The following MTRR variants were observed in gnomAD, a reference collection of about 807,000 sequenced individuals.
MTRR encodes the protein methionine synthase reductase.
A neutral mutation model predicts 79.2 loss-of-function variants in MTRR; 63 were observed. That is an observed-to-expected ratio of 0.80 (90% confidence interval 0.65 to 0.98). The LOEUF (loss-of-function observed/expected upper bound fraction) is 0.98, where lower values mean the gene tolerates loss of function less well. MTRR is among the 50% of genes least tolerant of loss of function. The probability of loss-of-function intolerance (pLI) is 0.00; values close to 1 mark genes in which losing one functional copy is unlikely to be tolerated. For missense variants in MTRR, 895 were observed against 839.6 expected, an observed-to-expected ratio of 1.07 and a Z score of -0.82; for synonymous variants, 355 against 313.3, an observed-to-expected ratio of 1.13 and a Z score of -1.41.
chr5:7,866,620 A>C, upstream of MTRR: 3 of 1,517,694 alleles, frequency 2.0e-6, no homozygotes, highest in Non-Finnish European at 2.7e-6. Context: ...CTTTTTTCCA[A>C]CTGTCAGAAT....
rs375041307 is a variant in MTRR, at chr5:7,863,014, G to A, written n.498+957G>A. 1.6e-5 allele frequency: 25 copies of A among 1,598,096 alleles called. No homozygotes were observed. In the African/African-American group the frequency reaches 3.0e-4, roughly 19 times the overall value. ...TTTTGGACCCTAAAAAATCATAAGT[G>A]CAAATGTGAGAAAGAAAAATAAGAT... is the stretch of plus-strand genomic sequence containing the variant. On this transcript the variant is annotated intron_variant and non_coding_transcript_variant, in intron 2 of 3. Coordinates refer to the MTRR transcript ENST00000502509.
upstream of MTRR, chr5:7,851,166 G>A: frequency 2.1e-6 from 2 of 975,512 alleles, no homozygotes; most frequent in Non-Finnish European, 2.6e-6. Context: ...CCGCCGCCTG[G>A]CGACCCGGAG....
In MTRR at chr5:7,877,990, C is replaced by G; in HGVS notation, c.448C>G (p.Leu150Val). The G allele has an allele frequency of 1.9e-6, 3 of 1,613,468 alleles. No homozygotes were observed. Among genetic ancestry groups the G allele is most frequent in the Non-Finnish European group, 2.5e-6 (3 of 1,179,962 alleles). The change falls in exon 5 of 15, where the codon CTC becomes GTC. Residue 150 changes from leucine (L) to valine (V), a missense_variant. Transcript: ENST00000440940. The stretch of plus-strand genomic sequence containing the variant: ...GTGGATTGCTGGACTCTGGCCAGCC[C>G]TCAGAAAGCATTTTAGGTCAAGCAG... The part of the protein sequence containing the change: ...EPWIAGLWPA[L>V]RKHFRSSRGQ...
At chr5:7,884,131 TCCAGCCTGGGTGACAGAGTGAGAC>T (rs1031463686) in intron 6 of MTRR, among the ~76,000 whole-genome samples, 15 of 152,168 alleles carry the variant, frequency 9.9e-5, no homozygotes, top group Non-Finnish European at 1.5e-5. Context: ...GCCACTGCAC[TCCAGCCTGGGTGACAGAGTGAGAC>T]CCTGCCTCAA....
In MTRR at chr5:7,863,222, A is replaced by G. The variant is rs1746680434; in HGVS notation, n.498+1165A>G. The G allele has an allele frequency of 5.0e-5, 25 of 501,838 alleles. No individual in the cohort carries two copies. In the South Asian group the frequency reaches 6.0e-4, roughly 12 times the overall value. 31.1% of individuals were successfully genotyped at this position (501,838 alleles called of 1,614,324 possible). A position where few individuals can be genotyped will look rare whatever the true frequency, so the allele number is the denominator to read the frequency against. On this transcript the variant is annotated intron_variant and non_coding_transcript_variant, in intron 2 of 3. Coordinates refer to the MTRR transcript ENST00000502509. ...TGTCTTTTATATGTGTTTTTACAGT[A>G]GTCACTGGTTACCATAAACAGAAAG...
At chr5:7,850,970 T>A, upstream of MTRR, 1 of 1,320,534 alleles carries the variant, frequency 7.6e-7, no homozygotes, top group South Asian at 2.6e-5. Context: ...GGCGGCGGCC[T>A]GGGCTTGCCC....
chr5:7,869,299 G>T (rs1024287439), intron 1 of MTRR, 84 bp downstream of exon 1: 2 of 1,538,138 alleles, frequency 1.3e-6, no homozygotes, highest in Non-Finnish European at 1.8e-6. Flanking sequence ...CGGGGCGGGG[G>T]TGGGCAGCCG....
chr5:7,870,832 G>C lies in MTRR; in HGVS notation c.38G>C (p.Gly13Ala), dbSNP rs2126644226. The C allele has an allele frequency of 1.2e-6, 2 of 1,614,226 alleles. No homozygotes were observed. Among genetic ancestry groups the C allele is most frequent in the Non-Finnish European group, 1.7e-6 (2 of 1,180,046 alleles). ...RFLLLYATQQ[G>A]QAKAIAEEIC... ...CTGTTACTATATGCTACACAGCAGG[G>C]ACAGGCAAAGGCCATCGCAGAAGAA... Residue 13 changes from glycine (G) to alanine (A), a missense_variant, in exon 2 of 15, where the codon GGA (glycine) becomes GCA (alanine). Gly to Ala is a moderately conservative substitution (Grantham distance 60, BLOSUM62 0). Transcript: ENST00000440940.
chr5:7,900,023 G>A lies in MTRR; in HGVS notation c.2062G>A (p.Glu688Lys), dbSNP rs865805258. 2 of 1,613,716 alleles carry A rather than the reference G, an allele frequency of 1.2e-6. No individual in the cohort carries two copies. Among genetic ancestry groups the A allele is most frequent in the Non-Finnish European group, 1.7e-6 (2 of 1,179,960 alleles). The change falls in exon 15 of 15, where the codon GAA becomes AAA. Residue 688 changes from glutamate (E) to lysine (K), a missense_variant. By Grantham distance (56) the Glu-to-Lys change is moderately conservative. Coordinates refer to ENST00000440940, the MANE Select transcript of MTRR (RefSeq NM_002454.3). ...EAMKTLATLK[E>K]EKRYLQDIWS ...AATGAAAACCCTGGCCACTTTAAAAGAAGAAAAACGCTACCTTCAGGATAT... is the reference window on the plus strand; with the variant it reads ...AATGAAAACCCTGGCCACTTTAAAAAAAGAAAAACGCTACCTTCAGGATAT...
chr5:7,884,124 A>G (rs1736025595), intron 6 of MTRR, among the ~76,000 whole-genome samples: 1 of 152,166 alleles, frequency 6.6e-6, no homozygotes, highest in South Asian at 2.1e-4. Flanking sequence ...TAATTGTGCC[A>G]CTGCACTCCA....
intron 6 of MTRR, among the ~76,000 whole-genome samples, chr5:7,884,933 A>G (rs1052234778): frequency 3.3e-5 from 5 of 152,186 alleles, no homozygotes; most frequent in Admixed American, 6.5e-5. Flanking sequence ...TATTAATACT[A>G]TGTACACCAA....
At chr5:7,891,954 A>G (rs953961494) in intron 10 of MTRR, among the ~76,000 whole-genome samples, 1 of 152,112 alleles carries the variant, frequency 6.6e-6, no homozygotes, top group Non-Finnish European at 1.5e-5. Context: ...AGGTGGGAGA[A>G]TGGCGTGAAC....
chr5:7,857,892 G>A (rs1229473086), intron 1 of MTRR, among the ~76,000 whole-genome samples: 2 of 152,222 alleles, frequency 1.3e-5, no homozygotes, highest in Non-Finnish European at 2.9e-5. Flanking sequence ...ATTCTGATGA[G>A]CAAACAGGGA....
intron 2 of MTRR, among the ~76,000 whole-genome samples, chr5:7,863,803 C>T (rs938766542): frequency 6.6e-6 from 1 of 152,104 alleles, no homozygotes; most frequent in Non-Finnish European, 1.5e-5. Context: ...AGAATGATTG[C>T]GTGCTTGAAA....
intron 1 of MTRR, among the ~76,000 whole-genome samples, chr5:7,855,232 T>C (rs1746205198): frequency 2.0e-5 from 3 of 152,112 alleles, no homozygotes; most frequent in African/African-American, 4.8e-5. Context: ...TTTGAGATAG[T>C]ACAGGAAATT....
rs574484046 is a variant in MTRR, at chr5:7,882,263, T to G, written c.781-892T>G. ...GAAGAGGCTGGACCTTTGTAGTCTT[T>G]GATGAGACATTGGATGTGGGTTGCC... On this transcript the variant is annotated intron_variant, in intron 5 of 14. Coordinates refer to ENST00000440940, the MANE Select transcript of MTRR (RefSeq NM_002454.3). Among the ~76,000 whole-genome samples the G allele has an allele frequency of 1.5e-4, 23 of 152,316 alleles. No homozygotes were observed. In the South Asian group the frequency reaches 4.4e-3, roughly 29 times the overall value.
intron 9 of MTRR, chr5:7,890,168 C>A: frequency 6.6e-6 from 5 of 756,618 alleles, no homozygotes; most frequent in Non-Finnish European, 6.4e-6. Flanking sequence ...GTCCTTTTTA[C>A]TCTTGGGCCA....
chr5:7,874,388 A>AT (rs138453568), intron 3 of MTRR, among the ~76,000 whole-genome samples: 19,044 of 150,332 alleles, frequency 0.13, 1,233 homozygotes, highest in Middle Eastern at 0.27. Flanking sequence ...AGTATTTATA[A>AT]TTTTTTTTTT....
At chr5:7,877,702 T>A (rs1267604170) in intron 4 of MTRR, among the ~76,000 whole-genome samples, 1 of 152,154 alleles carries the variant, frequency 6.6e-6, no homozygotes, top group Non-Finnish European at 1.5e-5. Context: ...TATCTTCCTA[T>A]CCCTCTTCAT....
Sources: gnomAD v4.1 joint callset for allele counts (sites outside exome capture counted in the v4.1 genomes callset) on GRCh38, gnomAD v4.1.1 for gene constraint, MANE v1.5 for transcripts, NCBI Gene and HGNC (gene_info 2026-07-23, HGNC 2026-07-21) for gene names.